GLI3: variants seen among roughly 807,000 people sequenced by gnomAD.
The protein encoded by GLI3 is transcription activator GLI3.
GLI3 carries 20 observed loss-of-function variants against 100.8 expected under a neutral mutation model. The observed-to-expected ratio is 0.20, with a 90% CI of 0.14 to 0.29. The LOEUF is 0.29. Among genes scored for constraint, GLI3 ranks in the 10% least tolerant of loss-of-function variants. The pLI is 1.00. For missense variants in GLI3, 2,040 were observed against 2,128.5 expected, an observed-to-expected ratio of 0.96 and a Z score of 0.82; for synonymous variants, 938 against 860.5, an observed-to-expected ratio of 1.09 and a Z score of -1.58.
chr7:42,041,723 C>T, intron 6 of GLI3, among the ~76,000 whole-genome samples: 1 of 151,812 alleles, frequency 6.6e-6, no homozygotes, highest in East Asian at 1.9e-4. Flanking sequence ...GTTCTTGATA[C>T]AAGATAACAA....
At chr7:42,255,260 T>C (rs1345171259) in intron 1 of GLI3, among the ~76,000 whole-genome samples, 1 of 152,216 alleles carries the variant, frequency 6.6e-6, no homozygotes, top group African/African-American at 2.4e-5. Flanking sequence ...CTCCATCTAA[T>C]TTGGTCATCC....
At chr7:42,194,126 C>G (rs1272100816) in intron 2 of GLI3, among the ~76,000 whole-genome samples, 4 of 152,290 alleles carry the variant, frequency 2.6e-5, no homozygotes, top group Non-Finnish European at 5.9e-5. Context: ...CAGCCCATAT[C>G]CATTTCATAC....
intron 3 of GLI3, among the ~76,000 whole-genome samples, chr7:42,088,047 G>GA (rs968692676): frequency 3.3e-5 from 5 of 152,044 alleles, no homozygotes; most frequent in African/African-American, 9.7e-5. Context: ...TGCTTAGAAA[G>GA]AAAAAAATCC....
chr7:42,170,254 A>G (rs1266024511), intron 2 of GLI3, among the ~76,000 whole-genome samples: 3 of 105,824 alleles, frequency 2.8e-5, no homozygotes, highest in Non-Finnish European at 5.5e-5. Context: ...TGTGTTTCAA[A>G]AAAAAAAAAA....
chr7:42,171,637 C>T (rs1269160922), intron 2 of GLI3, among the ~76,000 whole-genome samples: 3 of 152,170 alleles, frequency 2.0e-5, no homozygotes, highest in Non-Finnish European at 4.4e-5. Context: ...AAAAGGTAGA[C>T]GTCTGGTAAT....
At chr7:42,129,538 C>T (rs1009201402) in intron 3 of GLI3, among the ~76,000 whole-genome samples, 5 of 152,070 alleles carry the variant, frequency 3.3e-5, no homozygotes, top group South Asian at 2.1e-4. Context: ...GGGTTGGGCG[C>T]GGTGGCTCAC....
intron 10 of GLI3, among the ~76,000 whole-genome samples, chr7:42,014,885 AG>A (rs138105132): frequency 1.1e-3 from 170 of 152,376 alleles, no homozygotes; most frequent in African/African-American, 4.0e-3. Flanking sequence ...CAGCCTGCAT[AG>A]GCGAGCCTGT....
At chr7:42,216,374 A>G (rs1438847919) in intron 2 of GLI3, among the ~76,000 whole-genome samples, 1 of 152,214 alleles carries the variant, frequency 6.6e-6, no homozygotes, top group Non-Finnish European at 1.5e-5. Flanking sequence ...AGCATGAGGG[A>G]TCTTTAGAGC....
chr7:42,107,822 C>T (rs773096034), intron 3 of GLI3, among the ~76,000 whole-genome samples: 15 of 152,168 alleles, frequency 9.9e-5, no homozygotes, highest in East Asian at 1.9e-4. Flanking sequence ...CTATCAGCAA[C>T]GCGACCTGTG....
intron 3 of GLI3, among the ~76,000 whole-genome samples, chr7:42,109,200 T>C (rs1211858721): frequency 2.0e-5 from 3 of 152,208 alleles, no homozygotes; most frequent in African/African-American, 7.2e-5. Flanking sequence ...TAAAGGCACC[T>C]TGCTTTAATC....
chr7:42,042,887 G>T (rs1376286316), intron 6 of GLI3, among the ~76,000 whole-genome samples: 2 of 152,074 alleles, frequency 1.3e-5, no homozygotes, highest in Admixed American at 1.3e-4. Flanking sequence ...GGGAGTATTT[G>T]TTCTCATCTT....
chr7:42,202,962 C>CTCA (rs2128693740), intron 2 of GLI3, among the ~76,000 whole-genome samples: 1 of 152,304 alleles, frequency 6.6e-6, no homozygotes, highest in Non-Finnish European at 1.5e-5. Flanking sequence ...CCTTCACAAT[C>CTCA]TCATGCTAAA....
intron 1 of GLI3, among the ~76,000 whole-genome samples, chr7:42,234,053 A>C (rs1226058707): frequency 6.6e-6 from 1 of 152,264 alleles, no homozygotes; most frequent in African/African-American, 2.4e-5. Context: ...CTGGGGATTT[A>C]CAACAATTGC....
chr7:42,235,096 G>A (rs771144456), intron 1 of GLI3, among the ~76,000 whole-genome samples: 9 of 152,140 alleles, frequency 5.9e-5, no homozygotes, highest in Non-Finnish European at 1.3e-4. Flanking sequence ...GAAAAATTAA[G>A]AGATTTTGAG....
At chr7:42,251,347 C>T (rs1473758605) in intron 1 of GLI3, among the ~76,000 whole-genome samples, 1 of 152,194 alleles carries the variant, frequency 6.6e-6, no homozygotes, top group Non-Finnish European at 1.5e-5. Flanking sequence ...AAACACAGTT[C>T]CCAATAGGGT....
At chr7:42,257,205 A>C (rs184394567) in intron 1 of GLI3, among the ~76,000 whole-genome samples, 40 of 152,240 alleles carry the variant, frequency 2.6e-4, no homozygotes, top group Admixed American at 2.4e-3. Context: ...TTTGCAACTA[A>C]GAGAGTTTTA....
At position 42,226,085 on chromosome 7, in the gene GLI3, T is replaced by C. The variant is rs561672198; in HGVS notation, c.-42-2790A>G. The stretch of plus-strand genomic sequence containing the variant: ...CAAATTCTATAAAAACTAAAAACTT[T>C]AGCAGAAATATTTAATTGATCCAAA... On this transcript the variant is annotated intron_variant, in intron 1 of 14. Transcript: ENST00000395925. Among the ~76,000 whole-genome samples, 529 of 152,348 alleles carry C rather than the reference T, an allele frequency of 3.5e-3. 1 individual carries two copies. The highest frequency in any genetic ancestry group is 5.5e-3 in the Non-Finnish European group (372 of 68,032).
At chr7:42,059,916 A>G (rs1211783280) in intron 4 of GLI3, among the ~76,000 whole-genome samples, 2 of 152,244 alleles carry the variant, frequency 1.3e-5, no homozygotes, top group East Asian at 3.8e-4. Context: ...AGAGGATCAA[A>G]GGAGTCTTTC....
chr7:42,046,245 C>T (rs2128741642), intron 5 of GLI3, among the ~76,000 whole-genome samples: 1 of 152,294 alleles, frequency 6.6e-6, no homozygotes, highest in African/African-American at 2.4e-5. Flanking sequence ...TGAGGGTGGC[C>T]TCCAGACTCA....
Sources: gnomAD v4.1 joint callset for allele counts (sites outside exome capture counted in the v4.1 genomes callset) on GRCh38, gnomAD v4.1.1 for gene constraint, MANE v1.5 for transcripts, NCBI Gene and HGNC (gene_info 2026-07-23, HGNC 2026-07-21) for gene names.